Variants in NR6A1 observed in about 807,000 individuals in gnomAD.
NR6A1 encodes the protein retinoic acid receptor-related testis-associated receptor.
In NR6A1, 7 loss-of-function variants were observed where a neutral mutation model predicts 59.1. The observed-to-expected ratio is 0.12, with a 90% CI of 0.07 to 0.22. NR6A1 has a LOEUF of 0.22. Ranked by LOEUF, NR6A1 falls within the 10% of genes least tolerant of loss-of-function variation. The probability of loss-of-function intolerance (pLI) is 1.00; values close to 1 mark genes in which losing one functional copy is unlikely to be tolerated. For synonymous variants in NR6A1, 243 were observed against 236.1 expected, an observed-to-expected ratio of 1.03 and a Z score of -0.27; for missense variants, 468 against 611.6, an observed-to-expected ratio of 0.77 and a Z score of 2.48.
intron 2 of NR6A1, among the ~76,000 whole-genome samples, chr9:124,652,488 T>C (rs1837135454): frequency 6.6e-6 from 1 of 152,168 alleles, no homozygotes; most frequent in South Asian, 2.1e-4. Flanking sequence ...TGAGAATTAA[T>C]TCAAAAACCA....
At chr9:124,639,620 T>A (rs1477895572) in intron 2 of NR6A1, among the ~76,000 whole-genome samples, 1 of 152,122 alleles carries the variant, frequency 6.6e-6, no homozygotes, top group Non-Finnish European at 1.5e-5. Flanking sequence ...CAGAAAGAAT[T>A]AGCAAAGGAG....
In NR6A1 at chr9:124,547,276, C is replaced by A. The variant is rs531570193; in HGVS notation, c.386-3419G>T. 5.9e-4 allele frequency among the ~76,000 whole-genome samples: 90 copies of A among 152,270 alleles called. 1 individual carries two copies. The South Asian group carries it at 0.018, about 31-fold the overall frequency. ...AACAAAACCCAGAAACCATAAATAA[C>A]AAAGCTAACTACATCAAAGCTCCAC... On this transcript the variant is annotated intron_variant, in intron 3 of 9. Coordinates refer to ENST00000487099, the MANE Select transcript of NR6A1 (RefSeq NM_033334.4).
At chr9:124,769,983 G>T (rs181968166) in intron 1 of NR6A1, 4 of 152,438 alleles carry the variant, frequency 2.6e-5, no homozygotes, top group East Asian at 3.9e-4. Context: ...CACCCCGCAG[G>T]GGGAGGGAGC....
chr9:124,763,791 T>C (rs1840846357), intron 1 of NR6A1, among the ~76,000 whole-genome samples: 2 of 152,198 alleles, frequency 1.3e-5, no homozygotes, highest in African/African-American at 4.8e-5. Context: ...CAGTGGAGCA[T>C]AAGGAATTAA....
At chr9:124,740,657 T>C (rs1840149612) in intron 1 of NR6A1, among the ~76,000 whole-genome samples, 1 of 152,126 alleles carries the variant, frequency 6.6e-6, no homozygotes, top group Admixed American at 6.5e-5. Context: ...GAGAAGTCTG[T>C]TTTTCCAGGA....
rs979643588 is a variant in NR6A1, at chr9:124,607,701, G to C, written c.143-53131C>G. Among the ~76,000 whole-genome samples the C allele has an allele frequency of 5.3e-5, 8 of 152,234 alleles. No individual in the cohort carries two copies. In the East Asian group the frequency reaches 1.5e-3, roughly 29 times the overall value. On this transcript the variant is annotated intron_variant, in intron 2 of 9. Coordinates refer to ENST00000487099, the MANE Select transcript of NR6A1 (RefSeq NM_033334.4). ...TGTTCAACACAATGCCTGGCAAACAGTAAATTTTCAATAAACTTAGTTAAT... is the reference window on the plus strand; with the variant it reads ...TGTTCAACACAATGCCTGGCAAACACTAAATTTTCAATAAACTTAGTTAAT...
rs200617508 is a variant in NR6A1, at chr9:124,757,462, A to C, written c.100+13558T>G. 5.3e-3 allele frequency among the ~76,000 whole-genome samples: 238 copies of C among 44,640 alleles called. 7 individuals are homozygous for C. In the East Asian group the frequency reaches 0.1, roughly 19 times the overall value. The allele number at this position is 44,640 out of a possible 152,430, so 29.3% of individuals were successfully genotyped here. On this transcript the variant is annotated intron_variant, in intron 1 of 9. Coordinates refer to ENST00000487099, the MANE Select transcript of NR6A1 (RefSeq NM_033334.4). ...ATATACTGTATGACTAAAAAAATGC[A>C]AAAAAAAAAAAAAAACCTTGGATTT...
Position 124,538,194 on chromosome 9 carries a change from T to A in NR6A1, c.722A>T (p.Gln241Leu). Residue 241 changes from glutamine (Q) to leucine (L), a missense_variant, in exon 6 of 10, where the codon CAA (glutamine) becomes CTA (leucine). Physicochemically the swap from Gln to Leu is moderately radical, Grantham distance 113. Coordinates refer to ENST00000487099, the MANE Select transcript of NR6A1 (RefSeq NM_033334.4). ...SYSGHSPLLP[Q>L]QARSLDPQSY... ...CTGGGGATCCAGGCTGCGAGCTTGT[T>A]GGGGCAGAAGTGGTGAGTGGCCAGA... 1 of 1,614,170 alleles carries A rather than the reference T, an allele frequency of 6.2e-7. No homozygotes were observed.
chr9:124,724,411 C>A (rs1228837781), intron 2 of NR6A1, among the ~76,000 whole-genome samples: 1 of 150,978 alleles, frequency 6.6e-6, no homozygotes, highest in African/African-American at 2.4e-5. Flanking sequence ...AGATCCTCAA[C>A]CAGCTGGTAA....
intron 2 of NR6A1, among the ~76,000 whole-genome samples, chr9:124,624,023 C>T (rs1252491107): frequency 1.3e-5 from 2 of 152,128 alleles, no homozygotes; most frequent in African/African-American, 4.8e-5. Context: ...CAGAGATAAA[C>T]TAAGGCTCAG....
At chr9:124,687,465 A>G (rs1355990429) in intron 2 of NR6A1, among the ~76,000 whole-genome samples, 2 of 152,138 alleles carry the variant, frequency 1.3e-5, no homozygotes, top group African/African-American at 4.8e-5. Context: ...GTAACCTGAT[A>G]TAAAGTTGCC....
chr9:124,770,295 G>C (rs1413265729), intron 1 of NR6A1: 1 of 152,858 alleles, frequency 6.5e-6, no homozygotes, highest in Non-Finnish European at 1.5e-5. Flanking sequence ...AGCGCGCGGG[G>C]CGTTGAGGAA....
intron 1 of NR6A1, among the ~76,000 whole-genome samples, chr9:124,738,341 C>G (rs1022306333): frequency 6.6e-6 from 1 of 152,050 alleles, no homozygotes; most frequent in Non-Finnish European, 1.5e-5. Flanking sequence ...GCACAGAATA[C>G]AACATATTAA....
intron 2 of NR6A1, among the ~76,000 whole-genome samples, chr9:124,625,008 C>A (rs1416795783): frequency 6.9e-6 from 1 of 145,732 alleles, no homozygotes; most frequent in Non-Finnish European, 1.5e-5. Flanking sequence ...GGATAACTTT[C>A]TAGCACAAAA....
chr9:124,714,242 T>A (rs533333564), intron 2 of NR6A1, among the ~76,000 whole-genome samples: 7 of 151,990 alleles, frequency 4.6e-5, no homozygotes, highest in Non-Finnish European at 8.8e-5. Flanking sequence ...CAGGGGAGAA[T>A]GGTTATTGTT....
intron 4 of NR6A1, among the ~76,000 whole-genome samples, chr9:124,541,611 A>G (rs1833449594): frequency 1.3e-5 from 2 of 152,228 alleles, no homozygotes; most frequent in South Asian, 4.1e-4. Flanking sequence ...CCACTATGGA[A>G]AACAGCATGG....
Position 124,692,489 on chromosome 9 carries a change from C to T in NR6A1, c.142+40819G>A, listed in dbSNP as rs779228370. 1.1e-5 allele frequency: 6 copies of T among 532,146 alleles called. No homozygotes were observed. The East Asian group carries it at 2.2e-4, about 19-fold the overall frequency. The allele number at this position is 532,146 out of a possible 1,614,324, so 33.0% of individuals were successfully genotyped here. A position where few individuals can be genotyped will look rare whatever the true frequency, so the allele number is the denominator to read the frequency against. ...TCAGAGGACTCCAAGGAACATTCAA[C>T]GCTGTCGGTGAGTTTGGGATTTGAA... On this transcript the variant is annotated intron_variant, in intron 2 of 9. Coordinates refer to ENST00000487099, the MANE Select transcript of NR6A1 (RefSeq NM_033334.4).
chr9:124,555,194 C>T (rs10513435), intron 2 of NR6A1, among the ~76,000 whole-genome samples: 3,566 of 152,224 alleles, frequency 0.023, 114 homozygotes, highest in East Asian at 0.083. Context: ...AACTCACTGA[C>T]GAGCAATAAA....
At chr9:124,662,180 A>C (rs570534219) in intron 2 of NR6A1, among the ~76,000 whole-genome samples, 1 of 152,328 alleles carries the variant, frequency 6.6e-6, no homozygotes, top group African/African-American at 2.4e-5. Flanking sequence ...GTACTGGAAG[A>C]CAGGTAGTCA....
Sources: allele counts gnomAD v4.1 joint callset (sites outside exome capture counted in the v4.1 genomes callset), GRCh38; gene constraint gnomAD v4.1.1; transcripts MANE v1.5; gene names NCBI Gene and HGNC (gene_info 2026-07-23, HGNC 2026-07-21).